Variants in HLA-DRB5 observed in about 807,000 individuals in gnomAD.
HLA-DRB5 encodes major histocompatibility complex, class II, DR beta 5.
A neutral mutation model predicts 22.4 loss-of-function variants in HLA-DRB5; 11 were observed. That is an observed-to-expected ratio of 0.49 (90% CI 0.31 to 0.81). The LOEUF (loss-of-function observed/expected upper bound fraction) is 0.81. Among genes scored for constraint, HLA-DRB5 ranks in the 40% least tolerant of loss-of-function variants. HLA-DRB5 has a pLI of 0.05. For synonymous variants in HLA-DRB5, 57 were observed against 106.0 expected (o/e 0.54, Z 2.84); for missense variants, 106 against 274.4 (o/e 0.39, Z 4.34).
intron 3 of HLA-DRB5, among the ~76,000 whole-genome samples, 157 bp downstream of exon 3, chr6:32,519,213 A>C (rs187402303): frequency 0.015 from 789 of 53,046 alleles, no homozygotes; most frequent in African/African-American, 0.018. Context: ...TGTTTCTAGA[A>C]ACTATACAGG....
At position 32,530,171 on chromosome 6, in the gene HLA-DRB5, T is replaced by A; in HGVS notation, c.54A>T (p.Thr18=). 6.5e-7 allele frequency: 1 copy of A among 1,546,182 alleles called. No homozygotes were observed. Among genetic ancestry groups the A allele is most frequent in the Non-Finnish European group, 8.9e-7 (1 of 1,126,382 alleles). ...CCAGTGGGGAGCTCAGCACCATCAG[T>A]GTCACTGTCAGCTTTGCCATGTAGG... The part of the protein sequence containing the change: ...GGSYMAKLTV[T]LMVLSSPLAL... Residue 18 remains threonine, a synonymous_variant, in exon 1 of 6, where the codon ACA becomes ACT. Coordinates refer to ENST00000374975, the MANE Select transcript of HLA-DRB5 (RefSeq NM_002125.4).
At chr6:32,522,372 A>G (rs112216251) in intron 1 of HLA-DRB5, among the ~76,000 whole-genome samples, 198 bp from the exon 2 acceptor site, 8,461 of 31,814 alleles carry the variant, frequency 0.27, 3,773 homozygotes, top group East Asian at 0.51. Flanking sequence ...GGGACCAGGC[A>G]GGAAAACCCC....
At chr6:32,519,067 A>G (rs111982397) in intron 3 of HLA-DRB5, among the ~76,000 whole-genome samples, 2,665 of 97,376 alleles carry the variant, frequency 0.027, no homozygotes, top group Middle Eastern at 0.05. Context: ...CACCAGAAAC[A>G]CAGTCTCAGA....
intron 1 of HLA-DRB5, among the ~76,000 whole-genome samples, chr6:32,529,318 G>A (rs1485893746): frequency 0.13 from 5,923 of 46,136 alleles, 320 homozygotes; most frequent in Middle Eastern, 0.19. Context: ...TCCTATGTTA[G>A]TTGAATCTCT....
At chr6:32,528,995 G>A in intron 1 of HLA-DRB5, among the ~76,000 whole-genome samples, 1 of 148,972 alleles carries the variant, frequency 6.7e-6, no homozygotes, top group Non-Finnish European at 1.5e-5. Context: ...AAGGATCTGT[G>A]CAAGCTTTAG....
In HLA-DRB5 at chr6:32,519,759, C is replaced by T. The variant is rs560527266; in HGVS notation, c.371-108G>A. On this transcript the variant is annotated intron_variant, in intron 2 of 5. Transcript: ENST00000374975. ...AACCCAGGCTCTGGCCTTGACCAGGCCTCCAGCACAGCTGGCCATGAGGCC... is the reference window on the plus strand; with the variant it reads ...AACCCAGGCTCTGGCCTTGACCAGGTCTCCAGCACAGCTGGCCATGAGGCC... 3.6e-5 allele frequency: 17 copies of T among 473,260 alleles called. No individual in the cohort carries two copies. In the South Asian group the frequency reaches 3.6e-4, roughly 10 times the overall value. 29.3% of individuals were successfully genotyped at this position (473,260 alleles called of 1,614,324 possible).
At chr6:32,525,532 C>T (rs796952425) in intron 1 of HLA-DRB5, among the ~76,000 whole-genome samples, 16,023 of 121,132 alleles carry the variant, frequency 0.13, 2 homozygotes, top group East Asian at 0.18. Flanking sequence ...AGGGCAGAAA[C>T]ACTGGTTTAT....
intron 1 of HLA-DRB5, among the ~76,000 whole-genome samples, chr6:32,525,959 C>T (rs1258834826): frequency 2.0e-5 from 1 of 49,814 alleles, no homozygotes. Flanking sequence ...CACACAGGGG[C>T]CCTCTAATAT....
At chr6:32,528,332 A>ATTT (rs1554269169) in intron 1 of HLA-DRB5, among the ~76,000 whole-genome samples, 28,441 of 104,058 alleles carry the variant, frequency 0.27, 2,453 homozygotes, top group Admixed American at 0.34. Context: ...CTCTTGTGTA[A>ATTT]CCTTGAGAGT....
At chr6:32,527,659 T>C (rs188447767) in intron 1 of HLA-DRB5, among the ~76,000 whole-genome samples, 781 of 33,354 alleles carry the variant, frequency 0.023, 96 homozygotes, top group Admixed American at 0.035. Context: ...GGCAGATTAC[T>C]TGAGGTCAGG....
chr6:32,524,388 A>G (rs79984609), intron 1 of HLA-DRB5, among the ~76,000 whole-genome samples: 30,103 of 116,532 alleles, frequency 0.26, 934 homozygotes, highest in Admixed American at 0.31. Flanking sequence ...AACCACAGCT[A>G]TTTTATTCCC....
At chr6:32,520,620 C>T (rs1280970187) in intron 2 of HLA-DRB5, among the ~76,000 whole-genome samples, 10 of 105,202 alleles carry the variant, frequency 9.5e-5, no homozygotes, top group South Asian at 3.1e-4. Flanking sequence ...GGACTCATTA[C>T]TTGGGGTGCT....
At chr6:32,519,790 G>GTGTCA in intron 2 of HLA-DRB5, 139 bp from the exon 3 acceptor site, 1 of 428,690 alleles carries the variant, frequency 2.3e-6, no homozygotes, top group Non-Finnish European at 4.0e-6. Context: ...AGGCCTCACA[G>GTGTCA]TGTCATCAGC....
intron 1 of HLA-DRB5, among the ~76,000 whole-genome samples, chr6:32,524,308 G>A (rs78398255): frequency 0.8 from 91,784 of 114,772 alleles, 39,525 homozygotes; most frequent in Middle Eastern, 0.87. Flanking sequence ...CATATCATTT[G>A]TCTTTCATAT....
At position 32,517,491 on chromosome 6, in the gene HLA-DRB5, CCGT is replaced by C. The variant is rs1438846462; in HGVS notation, c.*245_*247del. 891 of 126,052 alleles carry C rather than the reference CCGT, an allele frequency of 7.1e-3. 10 individuals are homozygous for C. The highest frequency in any genetic ancestry group is 0.013 in the Admixed American group (72 of 5,524). The allele number at this position is 126,052 out of a possible 1,614,324, so 7.8% of individuals were successfully genotyped here. On this transcript the variant is annotated 3_prime_UTR_variant, in exon 6 of 6. Coordinates refer to ENST00000374975, the MANE Select transcript of HLA-DRB5 (RefSeq NM_002125.4). The stretch of plus-strand genomic sequence containing the variant: ...AGGGGGAGTACAGATGCATGGGAGG[CCGT>C]AGGGTTAGGTAAAGGGGAGCACTAA...
At chr6:32,529,372 A>C (rs796137177) in intron 1 of HLA-DRB5, among the ~76,000 whole-genome samples, 752 of 26,700 alleles carry the variant, frequency 0.028, 24 homozygotes, top group East Asian at 0.089. Context: ...ATAGGAGCAA[A>C]TAGTATAGAA....
At chr6:32,519,909 G>A (rs79250000) in intron 2 of HLA-DRB5, among the ~76,000 whole-genome samples, 46,798 of 70,500 alleles carry the variant, frequency 0.66, 19,982 homozygotes, top group Middle Eastern at 0.82. Flanking sequence ...GTGTTTACAA[G>A]TCTTTGAAAG....
In HLA-DRB5 at chr6:32,530,227, T is replaced by G. The variant is rs779550694; in HGVS notation, c.-3A>C. 9.6e-6 allele frequency: 14 copies of G among 1,464,640 alleles called. No individual in the cohort carries two copies. The East Asian group carries it at 2.4e-4, about 25-fold the overall frequency. 90.7% of individuals were successfully genotyped at this position (1,464,640 alleles called of 1,614,324 possible). On this transcript the variant is annotated 5_prime_UTR_variant, in exon 1 of 6. Transcript: ENST00000374975. ...CCAGGGAGCTTCAGACACACCATGC[T>G]GGAGAACAGGACAGGACCAGGGGCC... is the stretch of plus-strand genomic sequence containing the variant.
chr6:32,526,167 C>T (rs796278675), intron 1 of HLA-DRB5, among the ~76,000 whole-genome samples: 5 of 60,964 alleles, frequency 8.2e-5, no homozygotes, highest in Non-Finnish European at 1.0e-4. Context: ...AATCCAGTTT[C>T]CTCCCTGGAT....
Sources: allele counts gnomAD v4.1 joint callset (sites outside exome capture counted in the v4.1 genomes callset), GRCh38; gene constraint gnomAD v4.1.1; transcripts MANE v1.5; gene names NCBI Gene and HGNC (gene_info 2026-07-23, HGNC 2026-07-21).